PCDHGA10: variants seen among roughly 807,000 people sequenced by gnomAD.
PCDHGA10 encodes protocadherin gamma-A10.
In PCDHGA10, 42 loss-of-function variants were observed where a neutral mutation model predicts 59.5. The observed-to-expected ratio is 0.71, with a 90% CI of 0.55 to 0.91. PCDHGA10 has a LOEUF of 0.91. PCDHGA10 is among the 40% of genes least tolerant of loss of function. The probability of loss-of-function intolerance (pLI) is 0.00; values close to 1 mark genes in which losing one functional copy is unlikely to be tolerated. For missense variants in PCDHGA10, 1,111 were observed against 1,198.2 expected, an observed-to-expected ratio of 0.93 and a Z score of 1.07; for synonymous variants, 511 against 517.2, an observed-to-expected ratio of 0.99 and a Z score of 0.16.
chr5:141,506,304 C>A (rs569926873), intron 3 of PCDHGA10, among the ~76,000 whole-genome samples: 3 of 152,078 alleles, frequency 2.0e-5, no homozygotes, highest in Non-Finnish European at 4.4e-5. Context: ...CAAAAATTAG[C>A]TGGGCATGGT....
Position 141,431,646 on chromosome 5 carries a change from G to A in PCDHGA10, c.2436+16035G>A. ...GCGGCCCAAGTTTTCAAACTAGATT[G>A]TAATTCAGGGACAATATCAACAATA... On this transcript the variant is annotated intron_variant, in intron 1 of 3. Coordinates refer to ENST00000398610, the MANE Select transcript of PCDHGA10 (RefSeq NM_018913.3). The surrounding 1 kb of genome is among the most constrained non-coding windows in gnomAD (Gnocchi z 4.8). 2 of 1,614,252 alleles carry A rather than the reference G, an allele frequency of 1.2e-6. No individual in the cohort carries two copies. Among genetic ancestry groups the A allele is most frequent in the Non-Finnish European group, 1.7e-6 (2 of 1,180,046 alleles).
intron 3 of PCDHGA10, among the ~76,000 whole-genome samples, chr5:141,506,190 C>T (rs1313145580): frequency 6.6e-6 from 1 of 152,180 alleles, no homozygotes; most frequent in Non-Finnish European, 1.5e-5. Flanking sequence ...GTGGCTCACG[C>T]CTGTAATCCC....
At chr5:141,421,638 C>G (rs775131295) in intron 1 of PCDHGA10, 2 of 1,613,770 alleles carry the variant, frequency 1.2e-6, no homozygotes, top group South Asian at 1.1e-5. Context: ...TCCAGGAGGA[C>G]GAAGTGGAGA....
At chr5:141,423,940 G>T in intron 1 of PCDHGA10, 1 of 1,217,216 alleles carries the variant, frequency 8.2e-7, no homozygotes, top group Non-Finnish European at 1.0e-6. Context: ...TTTGAAGTAA[G>T]TTGAATTTTA....
chr5:141,478,204 T>C (rs775367944), intron 1 of PCDHGA10: 7 of 1,613,950 alleles, frequency 4.3e-6, no homozygotes, highest in Middle Eastern at 1.6e-4. Context: ...ATCTACTTCT[T>C]TCTCTAATCC....
chr5:141,417,995 G>A (rs779307855), intron 1 of PCDHGA10: 74 of 1,613,786 alleles, frequency 4.6e-5, no homozygotes, highest in Admixed American at 1.7e-4. Flanking sequence ...CAAGGGCTCG[G>A]TGGTGGGGAA....
intron 1 of PCDHGA10, among the ~76,000 whole-genome samples, chr5:141,463,099 A>G (rs1445730117): frequency 1.4e-4 from 21 of 152,204 alleles, no homozygotes; most frequent in Admixed American, 1.4e-3. Context: ...CTATGTGACC[A>G]TCAAGAATTC....
At chr5:141,428,064 G>C in intron 1 of PCDHGA10, 1 of 1,609,060 alleles carries the variant, frequency 6.2e-7, no homozygotes, top group East Asian at 2.2e-5. Flanking sequence ...GGCGGTGGAC[G>C]CAGATTCGGG....
chr5:141,465,520 G>C (rs2099104807), intron 1 of PCDHGA10, among the ~76,000 whole-genome samples: 1 of 152,144 alleles, frequency 6.6e-6, no homozygotes, highest in Non-Finnish European at 1.5e-5. Flanking sequence ...GAAGGATTCT[G>C]GGGAAGTTTT....
chr5:141,489,405 G>A lies in PCDHGA10; in HGVS notation c.2437-5402G>A. ...ATGTTGCTCAGGATCTGGGCTTAAA[G>A]ATGACAGATCTGTTGAGCCGGCGGC... On this transcript the variant is annotated intron_variant, in intron 1 of 3. Transcript: ENST00000398610. This position sits in a 1 kb window ranked among gnomAD's most constrained non-coding sequence, Gnocchi z 4.5. The A allele has an allele frequency of 1.2e-6, 2 of 1,614,204 alleles. No individual in the cohort carries two copies. The highest frequency in any genetic ancestry group is 2.2e-5 in the South Asian group (2 of 91,088).
At chr5:141,462,893 G>A (rs577241413) in intron 1 of PCDHGA10, among the ~76,000 whole-genome samples, 68 of 152,170 alleles carry the variant, frequency 4.5e-4, no homozygotes, top group African/African-American at 1.4e-3. Context: ...AGTTTGTTTT[G>A]GAAGGCTATT....
Position 141,431,359 on chromosome 5 carries a change from G to A in PCDHGA10, c.2436+15748G>A. 1 of 1,614,024 alleles carries A rather than the reference G, an allele frequency of 6.2e-7. No homozygotes were observed. The highest frequency in any genetic ancestry group is 8.5e-7 in the Non-Finnish European group (1 of 1,180,030). On this transcript the variant is annotated intron_variant, in intron 1 of 3. Transcript: ENST00000398610. This position sits in a 1 kb window ranked among gnomAD's most constrained non-coding sequence, Gnocchi z 4.8. ...CCGAATTGGTGCTGAAACGCGCCCTGGACCGCGAAGAAAAGGCTGCTCACC... is the reference window on the plus strand; with the variant it reads ...CCGAATTGGTGCTGAAACGCGCCCTAGACCGCGAAGAAAAGGCTGCTCACC...
intron 1 of PCDHGA10, among the ~76,000 whole-genome samples, chr5:141,469,522 C>T (rs1409427974): frequency 2.6e-5 from 4 of 152,088 alleles, no homozygotes; most frequent in African/African-American, 9.7e-5. Flanking sequence ...TTGCAGTGAG[C>T]CAAGATTGTG....
At chr5:141,417,456 G>A (rs1354162154) in intron 1 of PCDHGA10, 1 of 177,626 alleles carries the variant, frequency 5.6e-6, no homozygotes, top group Non-Finnish European at 1.2e-5. Context: ...TTATGACCAA[G>A]TGGAAATATA....
At chr5:141,454,283 T>G (rs2098785864) in intron 1 of PCDHGA10, among the ~76,000 whole-genome samples, 1 of 152,134 alleles carries the variant, frequency 6.6e-6, no homozygotes, top group Non-Finnish European at 1.5e-5. Flanking sequence ...AACTTCACAT[T>G]AAAGGAACTC....
chr5:141,477,223 T>C lies in PCDHGA10; in HGVS notation c.2437-17584T>C. The C allele has an allele frequency of 6.2e-7, 1 of 1,614,198 alleles. No homozygotes were observed. On this transcript the variant is annotated intron_variant, in intron 1 of 3. Coordinates refer to ENST00000398610, the MANE Select transcript of PCDHGA10 (RefSeq NM_018913.3). This position sits in a 1 kb window ranked among gnomAD's most constrained non-coding sequence, Gnocchi z 4.9. ...TACCCGAGGATGCCCCTCTGGGGAC[T>C]GTCATCGCTTTGCTCAGTGTGACTG... is the stretch of plus-strand genomic sequence containing the variant.
chr5:141,485,221 C>G lies in PCDHGA10; in HGVS notation c.2437-9586C>G. ...GGACAGAAATCTGGCGGTGGGCTACCCTTTTGTTCCTCTTTTACCACCTGG... is the reference window on the plus strand; with the variant it reads ...GGACAGAAATCTGGCGGTGGGCTACGCTTTTGTTCCTCTTTTACCACCTGG... On this transcript the variant is annotated intron_variant, in intron 1 of 3. Transcript: ENST00000398610. The surrounding 1 kb of genome is among the most constrained non-coding windows in gnomAD (Gnocchi z 5.7). The G allele has an allele frequency of 6.2e-7, 1 of 1,614,118 alleles. No individual in the cohort carries two copies. Among genetic ancestry groups the G allele is most frequent in the Non-Finnish European group, 8.5e-7 (1 of 1,180,010 alleles).
At chr5:141,419,762 AAGGACTCG>A (rs1468964539) in intron 1 of PCDHGA10, 2 of 1,614,008 alleles carry the variant, frequency 1.2e-6, no homozygotes, top group South Asian at 2.2e-5. Context: ...TTTGGGTGAC[AAGGACTCG>A]GTCCGCCAGC....
intron 1 of PCDHGA10, chr5:141,418,637 T>C: frequency 6.2e-7 from 1 of 1,613,998 alleles, no homozygotes; most frequent in Non-Finnish European, 8.5e-7. Context: ...TCCAGGCACC[T>C]CCATCCTGAG....
Sources: gnomAD v4.1 joint callset for allele counts (sites outside exome capture counted in the v4.1 genomes callset) on GRCh38, gnomAD v4.1.1 for gene constraint, Gnocchi (gnomAD v3.1) non-coding constraint, MANE v1.5 for transcripts, NCBI Gene and HGNC (gene_info 2026-07-23, HGNC 2026-07-21) for gene names.